Variants in ADARB2 observed in about 807,000 individuals in gnomAD.
ADARB2 encodes the protein adenosine deaminase RNA specific B2 (inactive).
ADARB2 carries 25 observed loss-of-function variants against 62.2 expected under a neutral mutation model. That is an observed-to-expected ratio of 0.40 (90% CI 0.29 to 0.56). The LOEUF (loss-of-function observed/expected upper bound fraction) is 0.56. ADARB2 is among the 20% of genes least tolerant of loss of function. The pLI is 0.43. For synonymous variants in ADARB2, 572 were observed against 500.8 expected (o/e 1.14, Z -1.90); for missense variants, 1,071 against 1,077.4 (o/e 0.99, Z 0.08).
At chr10:1,216,084 C>G (rs1837229443) in intron 7 of ADARB2, 1 of 150,096 alleles carries the variant, frequency 6.7e-6, no homozygotes, top group African/African-American at 2.5e-5. Flanking sequence ...GTCTCGGGGT[C>G]AGATCGAGGA....
chr10:1,192,015 T>C (rs1391416558), intron 8 of ADARB2, among the ~76,000 whole-genome samples: 4 of 152,196 alleles, frequency 2.6e-5, no homozygotes, highest in East Asian at 1.9e-4. Context: ...CCACAACTCA[T>C]CTATGAAAGT....
rs1588324087 is a variant in ADARB2, at chr10:1,614,179, T to C, written c.100+122872A>G. Among the ~76,000 whole-genome samples, 3 of 152,318 alleles carry C rather than the reference T, an allele frequency of 2.0e-5. No homozygotes were observed. The East Asian group carries it at 5.8e-4, about 29-fold the overall frequency. ...GGAAAAATTTATATTTTTGTACAGA[T>C]GTCATCAACTTAACATGGTAAAAGG... On this transcript the variant is annotated intron_variant, in intron 1 of 9. Coordinates refer to ENST00000381312, the MANE Select transcript of ADARB2 (RefSeq NM_018702.4).
intron 1 of ADARB2, among the ~76,000 whole-genome samples, chr10:1,530,434 G>T (rs1832216679): frequency 6.6e-6 from 1 of 152,172 alleles, no homozygotes; most frequent in African/African-American, 2.4e-5. Flanking sequence ...CCTTTCTCCA[G>T]CCTGCCAGGT....
rs3750683 is a variant in ADARB2 at position 1,737,304 on chromosome 10, T to C, written c.-154A>G. On this transcript the variant is annotated 5_prime_UTR_variant, in exon 1 of 10. Coordinates refer to ENST00000381312, the MANE Select transcript of ADARB2 (RefSeq NM_018702.4). ...GGACTGAGCAGGAAAGCGCGCTCCG[T>C]CTCTCTGTCTCTCGAATTGTTCTCT... 217,473 of 671,922 alleles carry C rather than the reference T, an allele frequency of 0.32. 37,544 individuals are homozygous for C. Among genetic ancestry groups the C allele is most frequent in the East Asian group, 0.52 (19,014 of 36,336 alleles). 41.6% of individuals were successfully genotyped at this position (671,922 alleles called of 1,614,324 possible).
intron 3 of ADARB2, among the ~76,000 whole-genome samples, chr10:1,350,028 C>G (rs1832120642): frequency 6.6e-6 from 1 of 152,092 alleles, no homozygotes; most frequent in African/African-American, 2.4e-5. Flanking sequence ...AGCCTATGTT[C>G]TCAGGAACTT....
intron 1 of ADARB2, among the ~76,000 whole-genome samples, chr10:1,625,151 C>A (rs1396167268): frequency 6.6e-6 from 1 of 152,200 alleles, no homozygotes; most frequent in Non-Finnish European, 1.5e-5. Context: ...GAGAGCTAAA[C>A]CCCAAGAGAC....
intron 1 of ADARB2, among the ~76,000 whole-genome samples, chr10:1,636,789 TTA>T (rs1334145056): frequency 1.3e-5 from 2 of 148,572 alleles, no homozygotes; most frequent in African/African-American, 2.4e-5. Context: ...TATATCAATA[TTA>T]TATGACATAT....
chr10:1,659,397 A>T (rs1834214334), intron 1 of ADARB2, among the ~76,000 whole-genome samples: 1 of 152,106 alleles, frequency 6.6e-6, no homozygotes, highest in African/African-American at 2.4e-5. Flanking sequence ...GGGACAGAAA[A>T]TGGGGGTCCC....
chr10:1,405,271 C>T (rs1025249113), intron 1 of ADARB2, among the ~76,000 whole-genome samples: 2 of 152,076 alleles, frequency 1.3e-5, no homozygotes, highest in African/African-American at 4.8e-5. Context: ...AGACATGTTC[C>T]CTCAACCACT....
At chr10:1,531,698 G>A (rs1474677200) in intron 1 of ADARB2, among the ~76,000 whole-genome samples, 3 of 152,134 alleles carry the variant, frequency 2.0e-5, no homozygotes, top group Non-Finnish European at 4.4e-5. Context: ...TTAGCTGGAT[G>A]TGGTGTCAAA....
intron 1 of ADARB2, among the ~76,000 whole-genome samples, chr10:1,505,073 C>T (rs746679936): frequency 2.0e-5 from 3 of 151,668 alleles, no homozygotes; most frequent in Admixed American, 1.3e-4. Context: ...CAGACACACA[C>T]GGATGCACAC....
chr10:1,187,590 G>T (rs1000260241), intron 8 of ADARB2, among the ~76,000 whole-genome samples: 1 of 152,250 alleles, frequency 6.6e-6, no homozygotes, highest in Admixed American at 6.5e-5. Flanking sequence ...TTCTCTTTGC[G>T]GAGGACGTTG....
In ADARB2 at chr10:1,363,601, C is replaced by G. The variant is rs1288954301; in HGVS notation, c.504G>C (p.Glu168Asp). ...CCTTCTTCTTGGTGGGGCCTGTGCC[C>G]TCGAACGTGAGCCCGTTCACCTCCA... ...VAVEVNGLTF[E>D]GTGPTKKKAK... Residue 168 changes from glutamate (E) to aspartate (D), a missense_variant, in exon 3 of 10, where the codon GAG (glutamate) becomes GAC (aspartate). Physicochemically the swap from Glu to Asp is conservative, Grantham distance 45. Transcript: ENST00000381312. The G allele has an allele frequency of 6.2e-7, 1 of 1,600,908 alleles. No individual in the cohort carries two copies. Among genetic ancestry groups the G allele is most frequent in the Non-Finnish European group, 8.5e-7 (1 of 1,173,956 alleles).
intron 1 of ADARB2, among the ~76,000 whole-genome samples, chr10:1,623,277 C>A (rs1162626674): frequency 6.6e-6 from 1 of 152,154 alleles, no homozygotes; most frequent in Non-Finnish European, 1.5e-5. Flanking sequence ...AGGCGCATCC[C>A]AGGTGGTCAT....
At chr10:1,232,191 C>T (rs1830810689) in intron 6 of ADARB2, among the ~76,000 whole-genome samples, 2 of 152,054 alleles carry the variant, frequency 1.3e-5, no homozygotes, top group Admixed American at 6.5e-5. Context: ...ACACACCGCA[C>T]ACATAGCACA....
chr10:1,203,734 ACAGT>A (rs750939174), intron 7 of ADARB2, among the ~76,000 whole-genome samples: 18 of 152,074 alleles, frequency 1.2e-4, no homozygotes, highest in Admixed American at 6.6e-5. Flanking sequence ...TGGAGCCAAC[ACAGT>A]CAGGTACCAG....
chr10:1,709,541 T>C (rs890428017), intron 1 of ADARB2, among the ~76,000 whole-genome samples: 3 of 152,226 alleles, frequency 2.0e-5, no homozygotes, highest in South Asian at 2.1e-4. Flanking sequence ...TTTTTCCTTT[T>C]CATATTGTCT....
intron 3 of ADARB2, among the ~76,000 whole-genome samples, chr10:1,297,464 C>T (rs1831533351): frequency 6.6e-6 from 1 of 152,180 alleles, no homozygotes; most frequent in African/African-American, 2.4e-5. Flanking sequence ...GAAACCTTAC[C>T]ATAGAGCTGT....
At chr10:1,575,701 TG>T (rs1208170335) in intron 1 of ADARB2, among the ~76,000 whole-genome samples, 2 of 152,168 alleles carry the variant, frequency 1.3e-5, no homozygotes, top group African/African-American at 2.4e-5. Flanking sequence ...GAGGTTCAGC[TG>T]GGGGACTCTG....
Sources: allele counts gnomAD v4.1 joint callset (sites outside exome capture counted in the v4.1 genomes callset), GRCh38; gene constraint gnomAD v4.1.1; transcripts MANE v1.5; gene names NCBI Gene and HGNC (gene_info 2026-07-23, HGNC 2026-07-21).